MTRFR: variants seen among roughly 807,000 people sequenced by gnomAD.
The protein encoded by MTRFR is mitochondrial translation release factor in rescue, also known as probable peptide chain release factor C12orf65, mitochondrial.
In MTRFR, 10 loss-of-function variants were observed where a neutral mutation model predicts 11.9. The ratio of observed to expected loss-of-function variants is 0.84; its 90% CI spans 0.52 to 1.42. MTRFR has a LOEUF of 1.42. MTRFR is among the 40% of genes most tolerant of loss of function. The pLI is 0.00. For synonymous variants in MTRFR, 77 were observed against 79.1 expected (o/e 0.97, Z 0.14); for missense variants, 196 against 197.9 (o/e 0.99, Z 0.06).
chr12:123,233,088 C>T (rs1482317537), upstream of MTRFR: 2 of 152,312 alleles, frequency 1.3e-5, no homozygotes, highest in Non-Finnish European at 2.9e-5. Context: ...GCCGCCGCTC[C>T]CGCTGCCGAT....
intron 1 of MTRFR, among the ~76,000 whole-genome samples, chr12:123,244,935 T>G (rs1447706427): frequency 3.3e-5 from 1 of 30,750 alleles, no homozygotes; most frequent in African/African-American, 4.6e-5. Context: ...CCGGCATTTT[T>G]TTTTTTTTTT....
chr12:123,236,969 C>CA (rs1471103804), intron 1 of MTRFR, among the ~76,000 whole-genome samples: 1 of 152,128 alleles, frequency 6.6e-6, no homozygotes, highest in East Asian at 1.9e-4. Flanking sequence ...CCTGTAGTCC[C>CA]AGCTACTTGG....
Position 123,235,513 on chromosome 12 carries a change from T to G in MTRFR, c.-29+1982T>G, listed in dbSNP as rs796078785. 1.6e-4 allele frequency among the ~76,000 whole-genome samples: 24 copies of G among 151,572 alleles called. 1 individual carries two copies. The highest frequency in any genetic ancestry group is 5.8e-4 in the African/African-American group (24 of 41,360). On this transcript the variant is annotated intron_variant, in intron 1 of 2. Transcript: ENST00000253233. ...CCTAGTAGCTGAGACTACAGGTGCC[T>G]GCCACCAGGCCCAGCTAATTTTTTT...
chr12:123,245,679 G>A (rs1012872610), intron 1 of MTRFR, among the ~76,000 whole-genome samples: 1 of 152,094 alleles, frequency 6.6e-6, no homozygotes, highest in Non-Finnish European at 1.5e-5. Flanking sequence ...TGTAAAGGGG[G>A]TTGAGTTCTT....
At chr12:123,253,473 G>C in intron 1 of MTRFR, 174 bp from the exon 2 acceptor site, 4 of 642,394 alleles carry the variant, frequency 6.2e-6, no homozygotes. Context: ...ACAGTGCAAG[G>C]CTGAGGAGAG....
At chr12:123,238,511 CTG>C (rs1397318521) in intron 1 of MTRFR, among the ~76,000 whole-genome samples, 7 of 152,146 alleles carry the variant, frequency 4.6e-5, no homozygotes, top group African/African-American at 1.7e-4. Context: ...TGGCTCATGA[CTG>C]TAATCCCAGC....
chr12:123,241,177 A>G (rs2047931181), intron 1 of MTRFR, among the ~76,000 whole-genome samples: 1 of 150,958 alleles, frequency 6.6e-6, no homozygotes, highest in Non-Finnish European at 1.5e-5. Context: ...TTAATAAAAG[A>G]GATGGAGTCT....
intron 1 of MTRFR, among the ~76,000 whole-genome samples, chr12:123,239,549 C>T (rs1471768592): frequency 2.6e-5 from 4 of 152,178 alleles, no homozygotes; most frequent in African/African-American, 7.2e-5. Flanking sequence ...ACTACAGCTA[C>T]GTGCAACCAT....
At position 123,256,951 on chromosome 12, in the gene MTRFR, A is replaced by G. The variant is rs1424900473; in HGVS notation, c.421A>G (p.Arg141Gly). 6.2e-7 allele frequency: 1 copy of G among 1,613,784 alleles called. No homozygotes were observed. Among genetic ancestry groups the G allele is most frequent in the East Asian group, 2.2e-5 (1 of 44,870 alleles). ...KREAAKKKQE[R>G]KKRAKETLEK... ...AGAAGCGGCGAAGAAAAAACAAGAA[A>G]GGAAAAAAAGAGCAAAGGAAACCCT... is the stretch of plus-strand genomic sequence containing the variant. Residue 141 changes from arginine (R) to glycine (G), a missense_variant, in exon 3 of 3, where the codon AGG (arginine) becomes GGG (glycine). Arg to Gly is a moderately radical substitution (Grantham distance 125). Transcript: ENST00000253233.
At chr12:123,238,554 T>G (rs1463194310) in intron 1 of MTRFR, among the ~76,000 whole-genome samples, 1 of 152,124 alleles carries the variant, frequency 6.6e-6, no homozygotes, top group Non-Finnish European at 1.5e-5. Context: ...GCAGATTGCT[T>G]GAGCTCAGGA....
chr12:123,252,074 G>A (rs183199750), intron 1 of MTRFR: 4 of 152,330 alleles, frequency 2.6e-5, no homozygotes, highest in Admixed American at 2.6e-4. Flanking sequence ...TAACCTGTAA[G>A]CTCCAAGAAG....
chr12:123,242,591 T>A (rs2047958176), intron 1 of MTRFR, among the ~76,000 whole-genome samples: 1 of 152,174 alleles, frequency 6.6e-6, no homozygotes, highest in Non-Finnish European at 1.5e-5. Flanking sequence ...ATTGTCTGAT[T>A]GGCTGTTGGA....
intron 1 of MTRFR, among the ~76,000 whole-genome samples, chr12:123,234,263 G>T (rs538746838): frequency 2.6e-5 from 4 of 152,296 alleles, no homozygotes; most frequent in Non-Finnish European, 5.9e-5. Context: ...GACTTCCCTG[G>T]CACTATCACT....
intron 1 of MTRFR, among the ~76,000 whole-genome samples, chr12:123,239,835 C>T (rs1257400450): frequency 6.6e-6 from 1 of 152,112 alleles, no homozygotes; most frequent in Non-Finnish European, 1.5e-5. Context: ...TCTCTGCTAG[C>T]TCAAATCAGT....
intron 1 of MTRFR, chr12:123,250,060 C>G (rs2048095107): frequency 6.6e-6 from 1 of 152,182 alleles, no homozygotes; most frequent in Admixed American, 6.5e-5. Flanking sequence ...TTCTTGGAGG[C>G]TTTGTTCATA....
At chr12:123,234,919 CATGTTTTCAGTA>C in intron 1 of MTRFR, among the ~76,000 whole-genome samples, 1 of 152,266 alleles carries the variant, frequency 6.6e-6, no homozygotes, top group East Asian at 1.9e-4. Flanking sequence ...CACCAAATAA[CATGTTTTCAGTA>C]ATGTCATGGC....
At chr12:123,237,999 CATT>C (rs2047877882) in intron 1 of MTRFR, among the ~76,000 whole-genome samples, 1 of 151,988 alleles carries the variant, frequency 6.6e-6, no homozygotes, top group Non-Finnish European at 1.5e-5. Flanking sequence ...AGGTTGAATC[CATT>C]ATTCTGCTGC....
At chr12:123,247,465 T>G (rs1469560560) in intron 1 of MTRFR, among the ~76,000 whole-genome samples, 1 of 152,226 alleles carries the variant, frequency 6.6e-6, no homozygotes, top group African/African-American at 2.4e-5. Flanking sequence ...CAAGAATAGC[T>G]ACCCCTGCTT....
At chr12:123,249,406 CAGGGCA>C (rs1266439733) in intron 1 of MTRFR, 2 of 152,606 alleles carry the variant, frequency 1.3e-5, no homozygotes, top group Non-Finnish European at 2.9e-5. Context: ...CATGAGGGAG[CAGGGCA>C]GGGGGAGGGG....
Sources: allele counts gnomAD v4.1 joint callset (sites outside exome capture counted in the v4.1 genomes callset), GRCh38; gene constraint gnomAD v4.1.1; transcripts MANE v1.5; gene names NCBI Gene and HGNC (gene_info 2026-07-23, HGNC 2026-07-21).